Variants in UROS observed in about 807,000 individuals in gnomAD.
The protein encoded by UROS is uroporphyrinogen-III synthase.
Under a neutral mutation model 33.0 loss-of-function variants are expected in UROS, and 18 were observed. The ratio of observed to expected loss-of-function variants is 0.55; its 90% CI spans 0.38 to 0.81. The LOEUF (loss-of-function observed/expected upper bound fraction) is 0.81, where lower values mean the gene tolerates loss of function less well. Among genes scored for constraint, UROS ranks in the 30% least tolerant of loss-of-function variants. The pLI, the probability that UROS is intolerant of heterozygous loss-of-function variation, is 0.00. For missense variants in UROS, 293 were observed against 314.9 expected (o/e 0.93, Z 0.53); for synonymous variants, 114 against 121.1 (o/e 0.94, Z 0.38).
chr10:125,806,771 G>A (rs1039511001), intron 6 of UROS, among the ~76,000 whole-genome samples: 1 of 152,170 alleles, frequency 6.6e-6, no homozygotes, highest in Admixed American at 6.5e-5. Context: ...CGGTTGTACT[G>A]GACATTCAGG....
Position 125,798,141 on chromosome 10 carries a change from C to T in UROS, c.399G>A (p.Glu133=). Residue 133 remains glutamate (E), a synonymous_variant, in exon 7 of 10, where the codon GAG becomes GAA. Coordinates refer to ENST00000368797, the MANE Select transcript of UROS (RefSeq NM_000375.3). ...GAAATAGAAGAGGCAGTGCTGAGGA[C>T]TCCCCTGTGAATAAATAACCAGGCT... is the stretch of plus-strand genomic sequence containing the variant. The part of the protein sequence containing the change: ...EKLAEYICSR[E]SSALPLLFPC... 1 of 1,613,880 alleles carries T rather than the reference C, an allele frequency of 6.2e-7. No individual in the cohort carries two copies. Among genetic ancestry groups the T allele is most frequent in the Non-Finnish European group, 8.5e-7 (1 of 1,179,786 alleles).
chr10:125,785,943 C>T (rs1364417507), downstream of UROS: 1 of 152,238 alleles, frequency 6.6e-6, no homozygotes, highest in African/African-American at 2.4e-5. Context: ...TCTCCCACCC[C>T]ACCCTTCTGT....
At chr10:125,795,190 C>G in intron 8 of UROS, 1 of 598,342 alleles carries the variant, frequency 1.7e-6, no homozygotes, top group South Asian at 1.8e-5. Flanking sequence ...CATCAGAAAG[C>G]TGGTGCTGCC....
chr10:125,800,373 C>A (rs1851736427), intron 6 of UROS, among the ~76,000 whole-genome samples: 1 of 152,192 alleles, frequency 6.6e-6, no homozygotes, highest in South Asian at 2.1e-4. Context: ...TTTTCCGATA[C>A]TACCTATGGT....
intron 4 of UROS, among the ~76,000 whole-genome samples, chr10:125,814,142 A>G (rs1257681020): frequency 6.6e-6 from 1 of 152,244 alleles, no homozygotes; most frequent in Non-Finnish European, 1.5e-5. Context: ...CAGAGTGAGC[A>G]TTCAGTAAGT....
chr10:125,816,707 G>A, intron 1 of UROS, 182 bp from the exon 2 acceptor site: 2 of 629,454 alleles, frequency 3.2e-6, no homozygotes, highest in Non-Finnish European at 5.6e-6. Flanking sequence ...CACTGATAAG[G>A]CCAAGAAAGA....
At chr10:125,803,351 G>A (rs373239047) in intron 6 of UROS, among the ~76,000 whole-genome samples, 2 of 152,194 alleles carry the variant, frequency 1.3e-5, no homozygotes, top group South Asian at 4.1e-4. Context: ...TATGCCCCCA[G>A]AGCCTCCAGG....
chr10:125,803,018 T>G (rs1851971398), intron 6 of UROS: 1 of 1,612,798 alleles, frequency 6.2e-7, no homozygotes, highest in Non-Finnish European at 8.5e-7. Flanking sequence ...TCCTTTGACT[T>G]CTTCACCTGA....
chr10:125,823,253 G>A lies in UROS; in HGVS notation c.-251C>T. ...TGGCTGCGCGCAGCTAGGCGCTCGC[G>A]CATGCGCACCGCCATCCAGGCCACG... is the stretch of plus-strand genomic sequence containing the variant. On this transcript the variant is annotated 5_prime_UTR_variant, in exon 1 of 10. Coordinates refer to ENST00000368797, the MANE Select transcript of UROS (RefSeq NM_000375.3). The A allele has an allele frequency of 7.1e-6, 2 of 282,774 alleles. No homozygotes were observed. Among genetic ancestry groups the A allele is most frequent in the South Asian group, 1.6e-4 (2 of 12,738 alleles). 17.5% of individuals were successfully genotyped at this position (282,774 alleles called of 1,614,324 possible). A position where few individuals can be genotyped will look rare whatever the true frequency, so the allele number is the denominator to read the frequency against.
chr10:125,798,191 T>C (rs1285991902), intron 6 of UROS, 46 bp from the exon 7 acceptor site: 3 of 1,597,638 alleles, frequency 1.9e-6, no homozygotes, highest in Non-Finnish European at 2.6e-6. Context: ...GGCCAGTGCC[T>C]GTGCACAGGG....
intron 6 of UROS, chr10:125,802,494 A>C: frequency 1.0e-6 from 1 of 988,478 alleles, no homozygotes; most frequent in Non-Finnish European, 1.2e-6. Context: ...TTAGCCTCAG[A>C]TGCTCTTTGA....
At chr10:125,790,706 C>T (rs1468753485) in intron 9 of UROS, among the ~76,000 whole-genome samples, 1 of 149,640 alleles carries the variant, frequency 6.7e-6, no homozygotes, top group Admixed American at 6.7e-5. Context: ...TTGCTTGAAC[C>T]CGGGAGGCGG....
At chr10:125,797,199 CCTGGGT>C (rs1281188408) in intron 7 of UROS, among the ~76,000 whole-genome samples, 3 of 152,196 alleles carry the variant, frequency 2.0e-5, no homozygotes, top group African/African-American at 7.2e-5. Flanking sequence ...CTAAGGTCAT[CCTGGGT>C]CACACTGCTC....
intron 1 of UROS, among the ~76,000 whole-genome samples, chr10:125,822,808 G>A (rs1276534389): frequency 1.3e-5 from 2 of 152,182 alleles, no homozygotes; most frequent in African/African-American, 2.4e-5. Flanking sequence ...AAACTTTTAG[G>A]TCAAGAAATG....
At chr10:125,806,864 A>G (rs1852382676) in intron 6 of UROS, among the ~76,000 whole-genome samples, 1 of 152,178 alleles carries the variant, frequency 6.6e-6, no homozygotes, top group Non-Finnish European at 1.5e-5. Flanking sequence ...TCTTGCTCCA[A>G]GAATTTTTGC....
chr10:125,800,044 C>G (rs1851696753), intron 6 of UROS, among the ~76,000 whole-genome samples: 1 of 152,140 alleles, frequency 6.6e-6, no homozygotes, highest in South Asian at 2.1e-4. Context: ...TCTGGGCTGT[C>G]CGGGCTGATG....
At chr10:125,804,337 G>A (rs983373430) in intron 6 of UROS, among the ~76,000 whole-genome samples, 8 of 152,154 alleles carry the variant, frequency 5.3e-5, no homozygotes, top group South Asian at 4.1e-4. Flanking sequence ...GGAGGGTGGC[G>A]CACCCCAACT....
intron 6 of UROS, 44 bp downstream of exon 6, chr10:125,807,369 C>T (rs375706613): frequency 4.5e-6 from 7 of 1,571,634 alleles, no homozygotes; most frequent in African/African-American, 1.4e-5. Flanking sequence ...GTGAGGTCAA[C>T]AAAAAATAAA....
chr10:125,802,940 C>T, intron 6 of UROS: 1 of 1,612,498 alleles, frequency 6.2e-7, no homozygotes, highest in East Asian at 2.2e-5. Flanking sequence ...GGCTAAACCC[C>T]AGATATTACT....
Sources: gnomAD v4.1 joint callset for allele counts (sites outside exome capture counted in the v4.1 genomes callset) on GRCh38, gnomAD v4.1.1 for gene constraint, MANE v1.5 for transcripts, NCBI Gene and HGNC (gene_info 2026-07-23, HGNC 2026-07-21) for gene names.